The following TMEM68 variants were observed in gnomAD, a reference collection of about 807,000 sequenced individuals.
TMEM68 encodes transmembrane protein 68.
TMEM68 carries 25 observed loss-of-function variants against 36.9 expected under a neutral mutation model. The ratio of observed to expected loss-of-function variants is 0.68; its 90% CI spans 0.49 to 0.95. The LOEUF (loss-of-function observed/expected upper bound fraction) is 0.95, where lower values mean the gene tolerates loss of function less well. Ranked by LOEUF, TMEM68 falls within the 40% of genes least tolerant of loss-of-function variation. The probability of loss-of-function intolerance (pLI) is 0.00; values close to 1 mark genes in which losing one functional copy is unlikely to be tolerated. For synonymous variants in TMEM68, 131 were observed against 124.4 expected (o/e 1.05, Z -0.35); for missense variants, 333 against 392.0 (o/e 0.85, Z 1.27).
chr8:55,760,828 T>C (rs1379838388), intron 3 of TMEM68: 1 of 152,246 alleles, frequency 6.6e-6, no homozygotes, highest in East Asian at 1.9e-4. Flanking sequence ...TTCCATATTA[T>C]ATCATTTCTT....
intron 5 of TMEM68, among the ~76,000 whole-genome samples, chr8:55,748,298 G>C (rs1810339782): frequency 1.3e-5 from 2 of 152,150 alleles, no homozygotes; most frequent in African/African-American, 4.8e-5. Flanking sequence ...CTCCCATGTA[G>C]CTGGGATTAC....
intron 3 of TMEM68, among the ~76,000 whole-genome samples, chr8:55,756,633 A>G (rs1563433764): frequency 6.6e-6 from 1 of 152,100 alleles, no homozygotes; most frequent in East Asian, 1.9e-4. Context: ...ACCTGTGTGG[A>G]GAGGTAGCCT....
intron 6 of TMEM68, 28 bp from the exon 7 acceptor site, chr8:55,743,648 A>T (rs1441498001): frequency 6.6e-7 from 1 of 1,522,246 alleles, no homozygotes; most frequent in East Asian, 2.5e-5. Flanking sequence ...CAATCATTTT[A>T]ACTTGTTAAG....
chr8:55,771,460 AC>A (rs1273431534), intron 1 of TMEM68, among the ~76,000 whole-genome samples: 4 of 151,686 alleles, frequency 2.6e-5, no homozygotes, highest in African/African-American at 9.7e-5. Flanking sequence ...ACACACACAC[AC>A]ACACAAAATT....
At chr8:55,752,066 T>G (rs957398272) in intron 4 of TMEM68, among the ~76,000 whole-genome samples, 2 of 151,540 alleles carry the variant, frequency 1.3e-5, no homozygotes, top group Non-Finnish European at 1.5e-5. Flanking sequence ...AAAATCAGCC[T>G]GGCATGGTGG....
At chr8:55,766,776 G>C (rs925837353) in intron 1 of TMEM68, among the ~76,000 whole-genome samples, 1 of 152,154 alleles carries the variant, frequency 6.6e-6, no homozygotes, top group African/African-American at 2.4e-5. Context: ...CTGCTGTGTT[G>C]AGAATATACT....
At position 55,773,252 on chromosome 8, in the gene TMEM68, G is replaced by C. The variant is rs1585744908; in HGVS notation, c.-115+17C>G. ...CTCGGATAGGCGGGGGCAGGGGCAGGGGCAGCTCTCCTTTACCCTAGAGCG... is the reference window on the plus strand; with the variant it reads ...CTCGGATAGGCGGGGGCAGGGGCAGCGGCAGCTCTCCTTTACCCTAGAGCG... On this transcript the variant is annotated intron_variant, in intron 1 of 7. Coordinates refer to ENST00000434581, the MANE Select transcript of TMEM68 (RefSeq NM_001286657.2). 1 of 161,628 alleles carries C rather than the reference G, an allele frequency of 6.2e-6. No individual in the cohort carries two copies. Among genetic ancestry groups the C allele is most frequent in the African/African-American group, 2.4e-5 (1 of 41,860 alleles). The allele number at this position is 161,628 out of a possible 1,614,324, so 10.0% of individuals were successfully genotyped here.
chr8:55,752,203 G>A (rs568852194), intron 4 of TMEM68, among the ~76,000 whole-genome samples: 1 of 150,194 alleles, frequency 6.7e-6, no homozygotes, highest in Non-Finnish European at 1.5e-5. Context: ...GCAAGACTCT[G>A]TCTCAAAGAA....
chr8:55,742,146 C>A (rs1040856982), intron 7 of TMEM68, among the ~76,000 whole-genome samples: 4 of 151,948 alleles, frequency 2.6e-5, no homozygotes, highest in Non-Finnish European at 5.9e-5. Context: ...AAGTCAATGA[C>A]AAAAAGACAA....
At chr8:55,752,721 CTTTTTTTTTTT>C (rs61195952) in intron 4 of TMEM68, among the ~76,000 whole-genome samples, 1 of 102,756 alleles carries the variant, frequency 9.7e-6, no homozygotes, top group Non-Finnish European at 2.0e-5. Flanking sequence ...TATAGGATCC[CTTTTTTTTTTT>C]TTTTTTTTTG....
chr8:55,757,453 A>T (rs1810640767), intron 3 of TMEM68, among the ~76,000 whole-genome samples: 1 of 152,202 alleles, frequency 6.6e-6, no homozygotes, highest in Admixed American at 6.5e-5. Flanking sequence ...GTGTGTGCTC[A>T]CAAGAAAGAT....
At chr8:55,772,083 C>T (rs569498449) in intron 1 of TMEM68, among the ~76,000 whole-genome samples, 1 of 152,262 alleles carries the variant, frequency 6.6e-6, no homozygotes, top group East Asian at 1.9e-4. Flanking sequence ...TGCTGCACAT[C>T]TATACTGGTA....
At chr8:55,763,050 G>T in intron 2 of TMEM68, 22 bp from the exon 3 acceptor site, 1 of 1,364,412 alleles carries the variant, frequency 7.3e-7, no homozygotes, top group South Asian at 1.5e-5. Context: ...AAATAATCCA[G>T]TATTATTTTC....
chr8:55,754,926 TA>T lies in TMEM68; in HGVS notation c.493+1317del, dbSNP rs1446185748. 6.7e-5 allele frequency among the ~76,000 whole-genome samples: 3 copies of T among 44,804 alleles called. No homozygotes were observed. In the East Asian group the frequency reaches 3.2e-3, roughly 48 times the overall value. 29.4% of individuals were successfully genotyped at this position (44,804 alleles called of 152,430 possible). The stretch of plus-strand genomic sequence containing the variant: ...ATATATTATATATTATATATTTATA[TA>T]TATTTATATATATTTATACACACAC... On this transcript the variant is annotated intron_variant, in intron 4 of 7. Transcript: ENST00000434581.
chr8:55,746,687 T>C (rs1484717829), intron 5 of TMEM68: 1 of 152,188 alleles, frequency 6.6e-6, no homozygotes, highest in Non-Finnish European at 1.5e-5. Context: ...GCTTAAAAGT[T>C]ATTCCTACTA....
chr8:55,759,810 A>T (rs1366263526), intron 3 of TMEM68, among the ~76,000 whole-genome samples: 1 of 152,188 alleles, frequency 6.6e-6, no homozygotes, highest in Non-Finnish European at 1.5e-5. Flanking sequence ...ATTTTGTACA[A>T]TCTTATTACA....
At chr8:55,750,820 G>A in intron 5 of TMEM68, 144 bp downstream of exon 5, 2 of 754,144 alleles carry the variant, frequency 2.7e-6, no homozygotes, top group Non-Finnish European at 4.1e-6. Flanking sequence ...TTACAGGCGT[G>A]AGCTACCACA....
intron 3 of TMEM68, chr8:55,760,849 T>A (rs1368793014): frequency 6.6e-6 from 1 of 152,200 alleles, no homozygotes; most frequent in Non-Finnish European, 1.5e-5. Context: ...TCCAATTACA[T>A]AATTCTAACT....
At chr8:55,749,323 C>T (rs1810368417) in intron 5 of TMEM68, among the ~76,000 whole-genome samples, 1 of 152,104 alleles carries the variant, frequency 6.6e-6, no homozygotes, top group Non-Finnish European at 1.5e-5. Context: ...CAGGCTTTTT[C>T]CCCTTTAATT....
Sources: allele counts gnomAD v4.1 joint callset (sites outside exome capture counted in the v4.1 genomes callset), GRCh38; gene constraint gnomAD v4.1.1; transcripts MANE v1.5; gene names NCBI Gene and HGNC (gene_info 2026-07-23, HGNC 2026-07-21).